The following CAMSAP1 variants were observed in gnomAD, a reference collection of about 807,000 sequenced individuals.
CAMSAP1 encodes the protein calmodulin-regulated spectrin-associated protein 1.
A neutral mutation model predicts 143.5 loss-of-function variants in CAMSAP1; 58 were observed. That is an observed-to-expected ratio of 0.40 (90% CI 0.33 to 0.50). The LOEUF (loss-of-function observed/expected upper bound fraction) is 0.50, where lower values mean the gene tolerates loss of function less well. Among genes scored for constraint, CAMSAP1 ranks in the 20% least tolerant of loss-of-function variants. The probability of loss-of-function intolerance (pLI) is 0.45; values close to 1 mark genes in which losing one functional copy is unlikely to be tolerated. For synonymous variants in CAMSAP1, 945 were observed against 859.3 expected, an observed-to-expected ratio of 1.10 and a Z score of -1.74; for missense variants, 1,969 against 2,115.7, an observed-to-expected ratio of 0.93 and a Z score of 1.36.
intron 3 of CAMSAP1, among the ~76,000 whole-genome samples, chr9:135,870,247 T>TA: frequency 6.6e-6 from 1 of 152,190 alleles, no homozygotes; most frequent in Admixed American, 6.5e-5. Flanking sequence ...GTTCTTGTGA[T>TA]AGTGAGTGGG....
chr9:135,900,452 G>A (rs900791118), intron 1 of CAMSAP1, among the ~76,000 whole-genome samples: 6 of 152,038 alleles, frequency 3.9e-5, no homozygotes, highest in African/African-American at 1.4e-4. Flanking sequence ...CCAGCACTTT[G>A]GGAGGCTGAG....
chr9:135,815,726 C>T (rs1231533551), intron 15 of CAMSAP1, among the ~76,000 whole-genome samples, 164 bp downstream of exon 15: 2 of 152,262 alleles, frequency 1.3e-5, no homozygotes, highest in African/African-American at 4.8e-5. Context: ...AACCACATGC[C>T]CATTTCAGCA....
chr9:135,818,717 G>T lies in CAMSAP1; in HGVS notation c.3960-101C>A. The T allele has an allele frequency of 7.3e-7, 1 of 1,374,422 alleles. No homozygotes were observed. The highest frequency in any genetic ancestry group is 9.8e-7 in the Non-Finnish European group (1 of 1,023,156). The allele number at this position is 1,374,422 out of a possible 1,614,324, so 85.1% of individuals were successfully genotyped here. ...CAGGCGCGTTTCTCGGGTTCTCCCC[G>T]GCCGCTGGGACCAAGAGTGGCCAGC... On this transcript the variant is annotated intron_variant, in intron 12 of 16. Coordinates refer to ENST00000389532, the MANE Select transcript of CAMSAP1 (RefSeq NM_015447.4). The surrounding 1 kb of genome is among the most constrained non-coding windows in gnomAD (Gnocchi z 7.7).
intron 7 of CAMSAP1, among the ~76,000 whole-genome samples, chr9:135,842,965 T>C (rs890620440): frequency 3.3e-5 from 5 of 152,206 alleles, no homozygotes; most frequent in African/African-American, 9.7e-5. Context: ...AGCATCATAA[T>C]GACAGGATCA....
rs146105607 is a variant in CAMSAP1 at position 135,854,805 on chromosome 9, A to T, written c.809-4344T>A. On this transcript the variant is annotated intron_variant, in intron 5 of 16. Transcript: ENST00000389532. Reference sequence around the variant, plus strand: ...TTTTAGGTTTGGGAGGGTACACGTGAAGCCTTGTTACATAGGTAACCTCAT... The same window carrying T: ...TTTTAGGTTTGGGAGGGTACACGTGTAGCCTTGTTACATAGGTAACCTCAT... Among the ~76,000 whole-genome samples the T allele has an allele frequency of 3.9e-5, 6 of 152,210 alleles. No homozygotes were observed. In the East Asian group the frequency reaches 1.2e-3, roughly 29 times the overall value.
chr9:135,836,848 C>T lies in CAMSAP1; in HGVS notation c.1046-9264G>A, dbSNP rs368907940. ...GTCACCACACACTTCTACCGACACA[C>T]ATCATGCACTTTCTACCCATTCTAC... On this transcript the variant is annotated intron_variant, in intron 7 of 16. Coordinates refer to ENST00000389532, the MANE Select transcript of CAMSAP1 (RefSeq NM_015447.4). The T allele has an allele frequency of 7.1e-6, 7 of 984,634 alleles. No homozygotes were observed. The East Asian group carries it at 4.6e-4, about 64-fold the overall frequency. The allele number at this position is 984,634 out of a possible 1,614,324, so 61.0% of individuals were successfully genotyped here. A position where few individuals can be genotyped will look rare whatever the true frequency, so the allele number is the denominator to read the frequency against.
In CAMSAP1 at chr9:135,877,496, T is replaced by TA. The variant is rs59498050; in HGVS notation, c.585+4136dup. 4.0e-3 allele frequency among the ~76,000 whole-genome samples: 519 copies of TA among 128,776 alleles called. 3 individuals carry two copies. The highest frequency in any genetic ancestry group is 0.033 in the Middle Eastern group (8 of 246). The allele number at this position is 128,776 out of a possible 152,430, so 84.5% of individuals were successfully genotyped here. On this transcript the variant is annotated intron_variant, in intron 3 of 16. Transcript: ENST00000389532. Reference sequence around the variant, plus strand: ...AAAATACATCTCAGTAGAGCTGTCTTAAAAAAAAAAAAAAAAAGAAAAAAA... The same window carrying TA: ...AAAATACATCTCAGTAGAGCTGTCTTAAAAAAAAAAAAAAAAAAGAAAAAAA...
intron 5 of CAMSAP1, 32 bp downstream of exon 5, chr9:135,862,435 G>C: frequency 6.5e-7 from 1 of 1,544,912 alleles, no homozygotes; most frequent in Non-Finnish European, 8.7e-7. Context: ...AAGCCTTTTC[G>C]GATCTGTTTC....
chr9:135,811,224 G>C lies in CAMSAP1; in HGVS notation c.*85C>G. The C allele has an allele frequency of 2.1e-6, 3 of 1,409,810 alleles. No individual in the cohort carries two copies. Among genetic ancestry groups the C allele is most frequent in the East Asian group, 2.5e-5 (1 of 40,560 alleles). The allele number at this position is 1,409,810 out of a possible 1,614,324, so 87.3% of individuals were successfully genotyped here. On this transcript the variant is annotated 3_prime_UTR_variant, in exon 17 of 17. Coordinates refer to ENST00000389532, the MANE Select transcript of CAMSAP1 (RefSeq NM_015447.4). This position sits in a 1 kb window ranked among gnomAD's most constrained non-coding sequence, Gnocchi z 4.9. The stretch of plus-strand genomic sequence containing the variant: ...CCAAATAGATGAAAACAATAAATAA[G>C]GACCCCGTGGCACCCTCTGGATGCC...
At chr9:135,815,053 C>T (rs768403994) in intron 16 of CAMSAP1, 44 bp downstream of exon 16, 170 of 1,355,602 alleles carry the variant, frequency 1.3e-4, no homozygotes, top group Non-Finnish European at 1.6e-4. Context: ...TTTATAAACA[C>T]TTTTTATTCC....
At chr9:135,881,591 A>G in intron 3 of CAMSAP1, 42 bp downstream of exon 3, 1 of 1,548,252 alleles carries the variant, frequency 6.5e-7, no homozygotes, top group Non-Finnish European at 8.7e-7. Flanking sequence ...GAGACCGGCC[A>G]CAGAAGCAGA....
rs1435934141 is a variant in CAMSAP1 at position 135,907,207 on chromosome 9, G to A, written c.-48C>T. ...GCGGCCCGGCCGCAACAAAGGCGCCGCCGCCCCTCGCCGCGCCGGGCCCGG... is the reference window on the plus strand; with the variant it reads ...GCGGCCCGGCCGCAACAAAGGCGCCACCGCCCCTCGCCGCGCCGGGCCCGG... On this transcript the variant is annotated 5_prime_UTR_variant, in exon 1 of 17. Coordinates refer to ENST00000389532, the MANE Select transcript of CAMSAP1 (RefSeq NM_015447.4). 7 of 1,025,926 alleles carry A rather than the reference G, an allele frequency of 6.8e-6. No individual in the cohort carries two copies. The African/African-American group carries it at 8.7e-5, about 13-fold the overall frequency. 63.6% of individuals were successfully genotyped at this position (1,025,926 alleles called of 1,614,324 possible).
intron 7 of CAMSAP1, among the ~76,000 whole-genome samples, chr9:135,837,391 T>G (rs1836105466): frequency 6.7e-6 from 1 of 149,666 alleles, no homozygotes; most frequent in Non-Finnish European, 1.5e-5. Flanking sequence ...TCACGCACTT[T>G]CTGCCCGTTG....
At chr9:135,842,493 G>A (rs1421285726) in intron 7 of CAMSAP1, among the ~76,000 whole-genome samples, 7 of 151,940 alleles carry the variant, frequency 4.6e-5, no homozygotes, top group Admixed American at 6.6e-5. Flanking sequence ...CAGGAAATAC[G>A]GAGAACAGCA....
At chr9:135,857,168 C>T (rs1837008220) in intron 5 of CAMSAP1, among the ~76,000 whole-genome samples, 1 of 152,212 alleles carries the variant, frequency 6.6e-6, no homozygotes, top group Non-Finnish European at 1.5e-5. Context: ...CCCACTGGGT[C>T]CTTCCTACTT....
chr9:135,888,997 C>G (rs73561609), intron 1 of CAMSAP1, among the ~76,000 whole-genome samples: 3,280 of 152,284 alleles, frequency 0.022, 125 homozygotes, highest in African/African-American at 0.074. Context: ...AGAAGGCCAG[C>G]AAGGGAGACC....
chr9:135,843,918 C>A (rs1398627066), intron 7 of CAMSAP1, among the ~76,000 whole-genome samples: 9 of 148,492 alleles, frequency 6.1e-5, no homozygotes, highest in African/African-American at 2.2e-4. Flanking sequence ...TATCCTAAAT[C>A]TGTATGCCCC....
At chr9:135,870,238 T>A (rs544187401) in intron 3 of CAMSAP1, among the ~76,000 whole-genome samples, 1 of 152,310 alleles carries the variant, frequency 6.6e-6, no homozygotes, top group Admixed American at 6.5e-5. Flanking sequence ...CTCCATGCTG[T>A]TCTTGTGATA....
chr9:135,890,751 A>G (rs1043694166), intron 1 of CAMSAP1, among the ~76,000 whole-genome samples: 3 of 152,230 alleles, frequency 2.0e-5, no homozygotes, highest in African/African-American at 7.2e-5. Flanking sequence ...GGAAAAGATT[A>G]TATCTTAGGC....
Sources: allele counts gnomAD v4.1 joint callset (sites outside exome capture counted in the v4.1 genomes callset), GRCh38; gene constraint gnomAD v4.1.1; non-coding constraint Gnocchi (gnomAD v3.1); transcripts MANE v1.5; gene names NCBI Gene and HGNC (gene_info 2026-07-23, HGNC 2026-07-21).